Variants in CDH7 observed in about 807,000 individuals in gnomAD.
The protein encoded by CDH7 is cadherin-7.
CDH7 carries 25 observed loss-of-function variants against 71.8 expected under a neutral mutation model. That is an observed-to-expected ratio of 0.35 (90% confidence interval 0.25 to 0.49). CDH7 has a LOEUF of 0.49. Among genes scored for constraint, CDH7 ranks in the 20% least tolerant of loss-of-function variants. The pLI, the probability that CDH7 is intolerant of heterozygous loss-of-function variation, is 0.99. For missense variants in CDH7, 862 were observed against 974.6 expected, an observed-to-expected ratio of 0.88 and a Z score of 1.54; for synonymous variants, 381 against 363.8, an observed-to-expected ratio of 1.05 and a Z score of -0.54.
chr18:65,821,152 GA>G (rs1293434414), intron 4 of CDH7, among the ~76,000 whole-genome samples: 1 of 149,666 alleles, frequency 6.7e-6, no homozygotes, highest in East Asian at 2.0e-4. Flanking sequence ...AACAAGAAAA[GA>G]AAAAGGTGGA....
chr18:65,833,902 A>AT (rs1256154274), intron 6 of CDH7, among the ~76,000 whole-genome samples: 1 of 152,090 alleles, frequency 6.6e-6, no homozygotes, highest in Non-Finnish European at 1.5e-5. Flanking sequence ...CTTCTGTTTG[A>AT]TTTTTTAAAA....
chr18:65,778,666 C>CTT lies in CDH7; in HGVS notation c.210+15622_210+15623dup, dbSNP rs138374389. ...AAAGTTTGCATATAGAGTTTATTTT[C>CTT]TTTTTTTTTGTTTGTTTTTCAATGA... is the stretch of plus-strand genomic sequence containing the variant. On this transcript the variant is annotated intron_variant, in intron 2 of 11. Coordinates refer to ENST00000397968, the MANE Select transcript of CDH7 (RefSeq NM_004361.5). 7.4e-3 allele frequency among the ~76,000 whole-genome samples: 1,084 copies of CTT among 146,322 alleles called. 17 individuals carry two copies. The highest frequency in any genetic ancestry group is 0.024 in the African/African-American group (959 of 39,968).
chr18:65,763,947 T>A (rs1916279659), intron 2 of CDH7, among the ~76,000 whole-genome samples: 1 of 152,086 alleles, frequency 6.6e-6, no homozygotes, highest in Non-Finnish European at 1.5e-5. Flanking sequence ...CCTACTGAAT[T>A]TCTCAATTTG....
chr18:65,887,560 T>G lies in CDH7; in HGVS notation c.*6666T>G, dbSNP rs11151222. The G allele has an allele frequency of 1.9e-3, 285 of 152,204 alleles. 1 individual carries two copies. The highest frequency in any genetic ancestry group is 6.5e-3 in the African/African-American group (270 of 41,540). 9.4% of individuals were successfully genotyped at this position (152,204 alleles called of 1,614,324 possible). ...TAAGTCACTACACAACTTATATATA[T>G]TATGTATTTGTCTTTGAATTTTGTG... On this transcript the variant is annotated 3_prime_UTR_variant, in exon 12 of 12. Coordinates refer to ENST00000397968, the MANE Select transcript of CDH7 (RefSeq NM_004361.5).
intron 9 of CDH7, 32 bp from the exon 10 acceptor site, chr18:65,859,676 G>A (rs756406656): frequency 7.2e-5 from 96 of 1,332,646 alleles, no homozygotes; most frequent in Non-Finnish European, 9.6e-5. Flanking sequence ...GCACACCAAT[G>A]TGCTTTCATC....
At chr18:65,877,855 T>C (rs1332273082) in intron 11 of CDH7, among the ~76,000 whole-genome samples, 1 of 152,232 alleles carries the variant, frequency 6.6e-6, no homozygotes, top group Admixed American at 6.5e-5. Flanking sequence ...CCATGTATTT[T>C]AAAAATTGTT....
chr18:65,878,751 A>T (rs1392665269), intron 11 of CDH7, among the ~76,000 whole-genome samples: 1 of 152,194 alleles, frequency 6.6e-6, no homozygotes, highest in Admixed American at 6.5e-5. Flanking sequence ...GGTTGAAAAC[A>T]TTCAAATGAA....
intron 2 of CDH7, among the ~76,000 whole-genome samples, chr18:65,777,093 G>T (rs1029802870): frequency 6.6e-6 from 1 of 152,024 alleles, no homozygotes; most frequent in African/African-American, 2.4e-5. Context: ...GGGTAGGCAG[G>T]TGTTCTAGAA....
At chr18:65,856,240 A>C (rs1246246297) in intron 7 of CDH7, among the ~76,000 whole-genome samples, 1 of 152,090 alleles carries the variant, frequency 6.6e-6, no homozygotes, top group Non-Finnish European at 1.5e-5. Flanking sequence ...CTACAAACAC[A>C]CTTTCAAATT....
At chr18:65,862,416 T>C (rs1913596653) in intron 10 of CDH7, among the ~76,000 whole-genome samples, 1 of 152,230 alleles carries the variant, frequency 6.6e-6, no homozygotes, top group Non-Finnish European at 1.5e-5. Context: ...ATAAACATTT[T>C]CATATTTTGT....
intron 3 of CDH7, among the ~76,000 whole-genome samples, chr18:65,813,421 G>T (rs1172146391): frequency 6.6e-6 from 1 of 152,156 alleles, no homozygotes; most frequent in Non-Finnish European, 1.5e-5. Context: ...TAATTTTAAA[G>T]AAAATGGAAT....
At chr18:65,791,394 T>C (rs909158821) in intron 2 of CDH7, among the ~76,000 whole-genome samples, 3 of 152,222 alleles carry the variant, frequency 2.0e-5, no homozygotes, top group Non-Finnish European at 2.9e-5. Flanking sequence ...TTTAATATTA[T>C]GTGGTTTGTA....
intron 3 of CDH7, among the ~76,000 whole-genome samples, chr18:65,810,416 T>C (rs983237642): frequency 6.6e-6 from 1 of 152,218 alleles, no homozygotes; most frequent in African/African-American, 2.4e-5. Flanking sequence ...TAAACATCTC[T>C]CTATGGCCAA....
At chr18:65,824,891 G>A (rs1912072667) in intron 6 of CDH7, 60 bp downstream of exon 6, 7 of 1,213,496 alleles carry the variant, frequency 5.8e-6, no homozygotes, top group Non-Finnish European at 7.0e-6. Context: ...TCTGTTTGAT[G>A]GGAGAATGTA....
At position 65,815,332 on chromosome 18, in the gene CDH7, A is replaced by T. The variant is rs566578457; in HGVS notation, c.625+728A>T. 2.6e-5 allele frequency among the ~76,000 whole-genome samples: 4 copies of T among 152,058 alleles called. No homozygotes were observed. In the South Asian group the frequency reaches 8.3e-4, roughly 32 times the overall value. ...GTGCGAATATTAGCGGGTGTGTGTC[A>T]CTGATTTTTTAAATCACTGTGAAAA... On this transcript the variant is annotated intron_variant, in intron 4 of 11. Transcript: ENST00000397968.
intron 11 of CDH7, among the ~76,000 whole-genome samples, chr18:65,877,620 T>A (rs1275473951): frequency 6.6e-6 from 1 of 152,104 alleles, no homozygotes; most frequent in African/African-American, 2.4e-5. Flanking sequence ...CTGTTCAACA[T>A]GTGTAACAGG....
intron 4 of CDH7, among the ~76,000 whole-genome samples, chr18:65,818,507 A>G (rs1599027633): frequency 6.6e-6 from 1 of 152,206 alleles, no homozygotes; most frequent in South Asian, 2.1e-4. Context: ...GCAAAACATC[A>G]TATTGGAATT....
chr18:65,750,954 T>C (rs1325190065), upstream of CDH7: 1 of 152,164 alleles, frequency 6.6e-6, no homozygotes, highest in Non-Finnish European at 1.5e-5. Context: ...GAGTGGGCTG[T>C]GATTGGAGGA....
Position 65,782,079 on chromosome 18 carries a change from T to TTTCTTTCC in CDH7, c.210+19030_210+19031insTTTCCTTC, listed in dbSNP as rs1910300983. On this transcript the variant is annotated intron_variant, in intron 2 of 11. Transcript: ENST00000397968. ...CTTCCTTCCTTTCTTTCTTTCTTTC[T>TTTCTTTCC]TTCCTTCCTTCCTTCCTTCCTTCCT... 1.6e-4 allele frequency among the ~76,000 whole-genome samples: 7 copies of TTTCTTTCC among 43,146 alleles called. 2 individuals are homozygous for TTTCTTTCC. The highest frequency in any genetic ancestry group is 9.8e-4 in the East Asian group (2 of 2,038). 28.3% of individuals were successfully genotyped at this position (43,146 alleles called of 152,430 possible).
Sources: allele counts gnomAD v4.1 joint callset (sites outside exome capture counted in the v4.1 genomes callset), GRCh38; gene constraint gnomAD v4.1.1; transcripts MANE v1.5; gene names NCBI Gene and HGNC (gene_info 2026-07-23, HGNC 2026-07-21).